Variants in RANBP9 observed in about 807,000 individuals in gnomAD.
The protein encoded by RANBP9 is RAN binding protein 9, also known as ran-binding protein 9.
Under a neutral mutation model 84.3 loss-of-function variants are expected in RANBP9, and 15 were observed. The ratio of observed to expected loss-of-function variants is 0.18; its 90% CI spans 0.12 to 0.27. The LOEUF (loss-of-function observed/expected upper bound fraction) is 0.27, where lower values mean the gene tolerates loss of function less well. RANBP9 is among the 10% of genes least tolerant of loss of function. The pLI is 1.00. For synonymous variants in RANBP9, 392 were observed against 349.6 expected (o/e 1.12, Z -1.35); for missense variants, 809 against 912.8 (o/e 0.89, Z 1.46).
At chr6:13,695,431 A>G (rs1766423414) in intron 2 of RANBP9, among the ~76,000 whole-genome samples, 1 of 148,992 alleles carries the variant, frequency 6.7e-6, no homozygotes, top group East Asian at 1.9e-4. Flanking sequence ...TTTTTCAGAA[A>G]AAGATTTTAA....
chr6:13,670,126 G>A (rs150044975), intron 2 of RANBP9, among the ~76,000 whole-genome samples: 2 of 151,862 alleles, frequency 1.3e-5, no homozygotes, highest in Non-Finnish European at 2.9e-5. Flanking sequence ...AAGCCCATCT[G>A]TACTAAAAAT....
intron 1 of RANBP9, among the ~76,000 whole-genome samples, chr6:13,709,143 T>C (rs1466782075): frequency 6.6e-6 from 1 of 152,250 alleles, no homozygotes; most frequent in African/African-American, 2.4e-5. Flanking sequence ...TATTTTTCTC[T>C]GACCTAATCA....
chr6:13,692,143 T>C (rs941052995), intron 2 of RANBP9, among the ~76,000 whole-genome samples: 14 of 152,184 alleles, frequency 9.2e-5, no homozygotes, highest in African/African-American at 3.1e-4. Flanking sequence ...TTGCTTTTTT[T>C]TCATAAATGA....
intron 2 of RANBP9, among the ~76,000 whole-genome samples, chr6:13,666,627 AAG>A (rs1446097126): frequency 1.4e-5 from 2 of 139,890 alleles, no homozygotes; most frequent in African/African-American, 2.7e-5. Flanking sequence ...AAAAAAAAAA[AAG>A]ATTGGCAGGG....
At chr6:13,652,152 A>G (rs897093396) in intron 5 of RANBP9, among the ~76,000 whole-genome samples, 15 of 152,110 alleles carry the variant, frequency 9.9e-5, no homozygotes, top group East Asian at 1.9e-4. Flanking sequence ...CTTTCTTTCC[A>G]AAGTATACTT....
chr6:13,656,493 T>C (rs1482686402), intron 4 of RANBP9, among the ~76,000 whole-genome samples: 5 of 152,158 alleles, frequency 3.3e-5, no homozygotes, highest in Admixed American at 3.3e-4. Context: ...CCACTGAAAA[T>C]CTTAACTTAC....
At chr6:13,656,224 AAT>A (rs1765397885) in intron 4 of RANBP9, among the ~76,000 whole-genome samples, 1 of 152,158 alleles carries the variant, frequency 6.6e-6, no homozygotes, top group African/African-American at 2.4e-5. Flanking sequence ...CTAATTTCTA[AAT>A]ACTATTTGTA....
intron 1 of RANBP9, among the ~76,000 whole-genome samples, chr6:13,706,325 C>G (rs1285163782): frequency 6.8e-6 from 1 of 147,992 alleles, no homozygotes; most frequent in African/African-American, 2.5e-5. Flanking sequence ...GCCTGGGCAA[C>G]AGAGCAAGAC....
intron 1 of RANBP9, among the ~76,000 whole-genome samples, chr6:13,706,160 C>A (rs1184404123): frequency 6.6e-6 from 1 of 151,292 alleles, no homozygotes; most frequent in Non-Finnish European, 1.5e-5. Flanking sequence ...TTGGCTAACA[C>A]GGTGAAACCC....
At chr6:13,701,677 G>A (rs549596851) in intron 1 of RANBP9, among the ~76,000 whole-genome samples, 4 of 151,770 alleles carry the variant, frequency 2.6e-5, no homozygotes, top group African/African-American at 9.7e-5. Flanking sequence ...GGCTGAGGCG[G>A]AAGAATGGCT....
At chr6:13,679,353 C>G (rs1292164635) in intron 2 of RANBP9, among the ~76,000 whole-genome samples, 1 of 152,154 alleles carries the variant, frequency 6.6e-6, no homozygotes, top group East Asian at 1.9e-4. Flanking sequence ...ATTCATTTAT[C>G]CTGCCTTTTA....
At chr6:13,701,174 A>C (rs887931711) in intron 1 of RANBP9, among the ~76,000 whole-genome samples, 2 of 152,122 alleles carry the variant, frequency 1.3e-5, no homozygotes, top group Non-Finnish European at 2.9e-5. Context: ...GATTTCCCTC[A>C]TATGCCCATC....
chr6:13,651,323 A>AAT (rs2127768508), intron 5 of RANBP9, among the ~76,000 whole-genome samples: 1 of 152,200 alleles, frequency 6.6e-6, no homozygotes, highest in Admixed American at 6.5e-5. Flanking sequence ...GAATTTCTGC[A>AAT]ATAGTCTTCT....
chr6:13,711,080 C>A lies in RANBP9; in HGVS notation c.426G>T (p.Glu142Asp). 6.3e-7 allele frequency: 1 copy of A among 1,579,260 alleles called. No individual in the cohort carries two copies. The highest frequency in any genetic ancestry group is 8.6e-7 in the Non-Finnish European group (1 of 1,162,746). Reference protein sequence around the residue: ...PFPHGDSALNEQEKELQRRLK... With the variant: ...PFPHGDSALNDQEKELQRRLK... Reference sequence around the variant, plus strand: ...GCCGCCGCTGCAACTCCTTCTCCTGCTCGTTCAGGGCCGAGTCCCCGTGAG... The same window carrying A: ...GCCGCCGCTGCAACTCCTTCTCCTGATCGTTCAGGGCCGAGTCCCCGTGAG... Residue 142 changes from glutamate (E) to aspartate (D), a missense_variant, in exon 1 of 14, where the codon GAG (glutamate) becomes GAT (aspartate). Physicochemically the swap from Glu to Asp is conservative, Grantham distance 45. This residue lies in a region of RANBP9 where 302 missense variants were observed against 240.1 expected (regional missense o/e 1.26). Transcript: ENST00000011619.
intron 1 of RANBP9, among the ~76,000 whole-genome samples, chr6:13,699,852 T>C (rs1757923666): frequency 6.6e-6 from 1 of 152,278 alleles, no homozygotes. Context: ...AGAGTGAGAC[T>C]CTGTCCCAAA....
At chr6:13,638,844 G>A (rs1215415201) in intron 9 of RANBP9, among the ~76,000 whole-genome samples, 1 of 152,056 alleles carries the variant, frequency 6.6e-6, no homozygotes, top group Non-Finnish European at 1.5e-5. Flanking sequence ...AGGCTTGGTT[G>A]GGAAAGGTTG....
At chr6:13,697,830 T>A (rs1050853371) in intron 1 of RANBP9, among the ~76,000 whole-genome samples, 2 of 152,170 alleles carry the variant, frequency 1.3e-5, no homozygotes, top group African/African-American at 2.4e-5. Flanking sequence ...TGAGAAACAA[T>A]ACTCTAAATC....
chr6:13,696,936 TA>T, intron 1 of RANBP9, 40 bp from the exon 2 acceptor site: 1 of 1,490,698 alleles, frequency 6.7e-7, no homozygotes, highest in Non-Finnish European at 9.3e-7. Context: ...TCACATGAGA[TA>T]TTCACTGAAA....
At chr6:13,670,331 T>A (rs1765745883) in intron 2 of RANBP9, among the ~76,000 whole-genome samples, 1 of 152,068 alleles carries the variant, frequency 6.6e-6, no homozygotes, top group Admixed American at 6.5e-5. Flanking sequence ...TGTAGCTGGA[T>A]CCCTATCTCA....
Sources: gnomAD v4.1 joint callset for allele counts (sites outside exome capture counted in the v4.1 genomes callset) on GRCh38, gnomAD v4.1.1 for gene constraint, gnomAD v4.1.1 regional missense constraint, MANE v1.5 for transcripts, NCBI Gene and HGNC (gene_info 2026-07-23, HGNC 2026-07-21) for gene names.